RNFT2: variants seen among roughly 807,000 people sequenced by gnomAD.
RNFT2 encodes ring finger protein, transmembrane 2, also known as E3 ubiquitin-protein ligase RNFT2.
RNFT2 carries 36 observed loss-of-function variants against 53.0 expected under a neutral mutation model. That is an observed-to-expected ratio of 0.68 (90% CI 0.52 to 0.90). The LOEUF (loss-of-function observed/expected upper bound fraction) is 0.90. RNFT2 is among the 40% of genes least tolerant of loss of function. The pLI is 0.00. For missense variants in RNFT2, 514 were observed against 585.6 expected, an observed-to-expected ratio of 0.88 and a Z score of 1.26; for synonymous variants, 260 against 253.2, an observed-to-expected ratio of 1.03 and a Z score of -0.26.
intron 7 of RNFT2, among the ~76,000 whole-genome samples, chr12:116,787,718 G>T (rs73220455): frequency 7.1e-6 from 1 of 141,096 alleles, no homozygotes; most frequent in Non-Finnish European, 1.5e-5. Flanking sequence ...GTCTCTAAAA[G>T]AAAAAAAAAA....
chr12:116,852,541 G>A lies in RNFT2; in HGVS notation c.*3093G>A. 5 of 1,587,948 alleles carry A rather than the reference G, an allele frequency of 3.1e-6. No individual in the cohort carries two copies. In the South Asian group the frequency reaches 4.6e-5, roughly 15 times the overall value. The stretch of plus-strand genomic sequence containing the variant: ...GGGAAGGGGAAGCAGAGGGAAATGG[G>A]GCCATGTGAATGCAGCTGCTCTGTT... On this transcript the variant is annotated 3_prime_UTR_variant, in exon 11 of 11. Coordinates refer to ENST00000257575, the MANE Select transcript of RNFT2 (RefSeq NM_001382266.1).
chr12:116,753,926 C>G (rs1872372508), intron 4 of RNFT2, 58 bp from the exon 5 acceptor site: 1 of 1,398,376 alleles, frequency 7.2e-7, no homozygotes, highest in Non-Finnish European at 1.0e-6. Flanking sequence ...TTGCTCAGCA[C>G]CTGGGCTAGG....
At chr12:116,757,541 G>A (rs912988003) in intron 5 of RNFT2, among the ~76,000 whole-genome samples, 2 of 152,058 alleles carry the variant, frequency 1.3e-5, no homozygotes, top group Admixed American at 6.6e-5. Context: ...CATTCAGTTT[G>A]AAGAATTTTT....
At chr12:116,830,780 TG>T (rs1196712372) in intron 7 of RNFT2, among the ~76,000 whole-genome samples, 1 of 151,830 alleles carries the variant, frequency 6.6e-6, no homozygotes, top group Non-Finnish European at 1.5e-5. Context: ...CATGGTGGTG[TG>T]TAATCCCAGT....
At position 116,836,287 on chromosome 12, in the gene RNFT2, G is replaced by A. The variant is rs922139151; in HGVS notation, c.1200+5G>A. The A allele has an allele frequency of 6.4e-7, 1 of 1,563,426 alleles. No individual in the cohort carries two copies. Among genetic ancestry groups the A allele is most frequent in the Non-Finnish European group, 8.7e-7 (1 of 1,153,640 alleles). ...CCTCTGATTCTCCTGTGCCAGGTGA[G>A]CAGGGCTCAGGCGGGACCATTGGAG... On this transcript the variant is annotated splice_donor_5th_base_variant and intron_variant, in intron 10 of 10. Coordinates refer to ENST00000257575, the MANE Select transcript of RNFT2 (RefSeq NM_001382266.1).
At chr12:116,826,081 C>G (rs1876317607) in intron 7 of RNFT2, among the ~76,000 whole-genome samples, 4 of 152,086 alleles carry the variant, frequency 2.6e-5, no homozygotes, top group Admixed American at 2.6e-4. Context: ...CCCACCCCCA[C>G]AAGTCTTCAA....
chr12:116,763,393 G>A (rs1214862812), intron 5 of RNFT2, among the ~76,000 whole-genome samples: 2 of 152,118 alleles, frequency 1.3e-5, no homozygotes, highest in African/African-American at 2.4e-5. Flanking sequence ...GCATGAATGC[G>A]GGAACACTTC....
intron 7 of RNFT2, among the ~76,000 whole-genome samples, chr12:116,826,036 G>A (rs1565871401): frequency 6.6e-6 from 1 of 152,076 alleles, no homozygotes; most frequent in Non-Finnish European, 1.5e-5. Flanking sequence ...TGAAGCTGCT[G>A]ACAGATACTT....
rs376541509 is a variant in RNFT2, at chr12:116,805,740, C to T, written c.882+26392C>T. Among the ~76,000 whole-genome samples the T allele has an allele frequency of 3.3e-5, 5 of 152,242 alleles. 1 individual carries two copies. In the South Asian group the frequency reaches 1.0e-3, roughly 32 times the overall value. On this transcript the variant is annotated intron_variant, in intron 7 of 10. Coordinates refer to ENST00000257575, the MANE Select transcript of RNFT2 (RefSeq NM_001382266.1). ...CTGCCTGTCTCGGCTTCCCAAAGTG[C>T]TGGGATTACAGGCGTGAGCCACGGT...
At chr12:116,779,407 AG>A (rs2137116968) in intron 7 of RNFT2, 59 bp downstream of exon 7, 2 of 1,586,828 alleles carry the variant, frequency 1.3e-6, no homozygotes, top group Admixed American at 3.4e-5. Flanking sequence ...CAGAGGATTC[AG>A]GGTGCCTTCT....
chr12:116,780,864 G>T (rs1873667023), intron 7 of RNFT2, among the ~76,000 whole-genome samples: 1 of 152,036 alleles, frequency 6.6e-6, no homozygotes, highest in South Asian at 2.1e-4. Flanking sequence ...TGATGGCTAT[G>T]CCCATGGACT....
intron 10 of RNFT2, among the ~76,000 whole-genome samples, chr12:116,848,317 G>A (rs1877722901): frequency 6.6e-6 from 1 of 152,156 alleles, no homozygotes; most frequent in Non-Finnish European, 1.5e-5. Flanking sequence ...ATGCGTGCAT[G>A]TATCTGTTTA....
intron 7 of RNFT2, chr12:116,801,377 A>G (rs1323862253): frequency 6.6e-6 from 1 of 152,256 alleles, no homozygotes; most frequent in South Asian, 2.1e-4. Flanking sequence ...TAGAGCATGT[A>G]GCAAGAAAAG....
intron 4 of RNFT2, among the ~76,000 whole-genome samples, chr12:116,751,250 A>G (rs1340029865): frequency 6.6e-6 from 1 of 151,948 alleles, no homozygotes; most frequent in Admixed American, 6.6e-5. Flanking sequence ...TGAAATATTT[A>G]ACATAGAGCC....
chr12:116,784,461 G>A (rs1404318545), intron 7 of RNFT2, among the ~76,000 whole-genome samples: 1 of 152,180 alleles, frequency 6.6e-6, no homozygotes, highest in African/African-American at 2.4e-5. Flanking sequence ...TGTTGCCAAG[G>A]AGGAGGCAAT....
At chr12:116,839,352 G>A (rs573058216) in intron 10 of RNFT2, among the ~76,000 whole-genome samples, 29 of 149,406 alleles carry the variant, frequency 1.9e-4, no homozygotes, top group African/African-American at 6.6e-4. Flanking sequence ...TGGGATGGTT[G>A]GATGGAATGT....
chr12:116,848,548 C>A (rs1335951972), intron 10 of RNFT2, among the ~76,000 whole-genome samples: 1 of 152,072 alleles, frequency 6.6e-6, no homozygotes, highest in African/African-American at 2.4e-5. Flanking sequence ...ACTTCTGTGA[C>A]CTCATCTCCC....
intron 10 of RNFT2, among the ~76,000 whole-genome samples, chr12:116,847,000 C>T (rs1296546311): frequency 6.6e-6 from 1 of 151,114 alleles, no homozygotes; most frequent in Non-Finnish European, 1.5e-5. Context: ...CCTCTGCCCC[C>T]TGGGTTCAAA....
intron 10 of RNFT2, among the ~76,000 whole-genome samples, chr12:116,842,099 G>C (rs1373079016): frequency 6.6e-6 from 1 of 150,732 alleles, no homozygotes; most frequent in African/African-American, 2.4e-5. Context: ...GGGAGGAGCT[G>C]CATCCAAGCT....
Sources: gnomAD v4.1 joint callset for allele counts (sites outside exome capture counted in the v4.1 genomes callset) on GRCh38, gnomAD v4.1.1 for gene constraint, MANE v1.5 for transcripts, NCBI Gene and HGNC (gene_info 2026-07-23, HGNC 2026-07-21) for gene names.